The following VIT variants were observed in gnomAD, a reference collection of about 807,000 sequenced individuals.
The protein encoded by VIT is vitrin.
Under a neutral mutation model 78.0 loss-of-function variants are expected in VIT, and 99 were observed. That is an observed-to-expected ratio of 1.27 (90% CI 1.08 to 1.50). VIT has a LOEUF of 1.50. VIT is among the 40% of genes most tolerant of loss of function. The pLI, the probability that VIT is intolerant of heterozygous loss-of-function variation, is 0.00. For missense variants in VIT, 1,126 were observed against 875.3 expected, an observed-to-expected ratio of 1.29 and a Z score of -3.61; for synonymous variants, 374 against 334.3, an observed-to-expected ratio of 1.12 and a Z score of -1.29.
intron 9 of VIT, among the ~76,000 whole-genome samples, chr2:36,779,664 C>G: frequency 6.6e-6 from 1 of 152,254 alleles, no homozygotes; most frequent in East Asian, 1.9e-4. Flanking sequence ...CGTGCTGTTC[C>G]CCACCATGTG....
In VIT at chr2:36,801,289, C is replaced by G; in HGVS notation, c.1059-12C>G. 1 of 1,608,584 alleles carries G rather than the reference C, an allele frequency of 6.2e-7. No individual in the cohort carries two copies. The highest frequency in any genetic ancestry group is 8.5e-7 in the Non-Finnish European group (1 of 1,175,152). ...TTGCAGCTAATTTGTATTTCTTGTTCTGACTCTTCAGAGACAACCCTGCTA... is the reference window on the plus strand; with the variant it reads ...TTGCAGCTAATTTGTATTTCTTGTTGTGACTCTTCAGAGACAACCCTGCTA... On this transcript the variant is annotated splice_polypyrimidine_tract_variant and intron_variant, in intron 12 of 15. Coordinates refer to ENST00000379242, the MANE Select transcript of VIT (RefSeq NM_053276.4).
chr2:36,729,629 T>C, intron 3 of VIT, 138 bp downstream of exon 3: 1 of 842,566 alleles, frequency 1.2e-6, no homozygotes, highest in African/African-American at 1.7e-5. Flanking sequence ...GATTAATTAG[T>C]GATAAGTCTT....
intron 2 of VIT, among the ~76,000 whole-genome samples, chr2:36,722,831 G>A (rs1437236177): frequency 6.6e-6 from 1 of 152,114 alleles, no homozygotes; most frequent in African/African-American, 2.4e-5. Context: ...TGGAAAACAT[G>A]AGCACAGATT....
At chr2:36,699,165 T>A (rs1258642751) in intron 1 of VIT, among the ~76,000 whole-genome samples, 4 of 152,050 alleles carry the variant, frequency 2.6e-5, no homozygotes, top group Non-Finnish European at 5.9e-5. Flanking sequence ...CAGAACACAA[T>A]GGGCCTGTCT....
intron 6 of VIT, among the ~76,000 whole-genome samples, chr2:36,766,678 G>C (rs1431390101): frequency 1.3e-5 from 2 of 152,118 alleles, no homozygotes; most frequent in African/African-American, 2.4e-5. Flanking sequence ...TATTCTCTAA[G>C]ACTAGGTCAT....
At chr2:36,726,471 G>A (rs535648918) in intron 2 of VIT, among the ~76,000 whole-genome samples, 12 of 152,114 alleles carry the variant, frequency 7.9e-5, no homozygotes, top group Non-Finnish European at 1.3e-4. Flanking sequence ...TGTTGTTTAC[G>A]TTTTTCTACA....
chr2:36,737,228 T>C (rs1384999946), intron 3 of VIT, among the ~76,000 whole-genome samples: 1 of 152,080 alleles, frequency 6.6e-6, no homozygotes, highest in East Asian at 1.9e-4. Context: ...CCACATACCA[T>C]GGAAAACAAG....
At chr2:36,723,223 C>T (rs1022175308) in intron 2 of VIT, among the ~76,000 whole-genome samples, 4 of 152,134 alleles carry the variant, frequency 2.6e-5, no homozygotes, top group African/African-American at 4.8e-5. Flanking sequence ...CTATTGTTGG[C>T]GTGTTTTCAA....
intron 1 of VIT, among the ~76,000 whole-genome samples, chr2:36,705,200 C>T (rs1471527651): frequency 6.6e-6 from 1 of 152,172 alleles, no homozygotes; most frequent in Non-Finnish European, 1.5e-5. Context: ...TCATGGCCCA[C>T]CTCGTCTTTT....
At chr2:36,783,307 G>C (rs773266717) in intron 10 of VIT, 33 bp from the exon 11 acceptor site, 1 of 1,612,570 alleles carries the variant, frequency 6.2e-7, no homozygotes, top group Non-Finnish European at 8.5e-7. Context: ...TCCTTTCCTT[G>C]TAAGTCACCA....
At chr2:36,773,717 C>G (rs778321536) in intron 7 of VIT, 74 bp from the exon 8 acceptor site, 96 of 1,327,062 alleles carry the variant, frequency 7.2e-5, no homozygotes, top group Non-Finnish European at 1.2e-5. Flanking sequence ...CAGTGAGACT[C>G]CGACTCAAAA....
At chr2:36,724,593 C>T (rs1666722937) in intron 2 of VIT, among the ~76,000 whole-genome samples, 1 of 152,118 alleles carries the variant, frequency 6.6e-6, no homozygotes, top group South Asian at 2.1e-4. Flanking sequence ...ACCAGCTGTC[C>T]CCTGGAGGAA....
In VIT at chr2:36,810,647, T is replaced by TC. The variant is rs1327772714; in HGVS notation, c.1903+1662_1903+1663insC. The stretch of plus-strand genomic sequence containing the variant: ...CTGTGCCTAAATTTTTTTTTTTTTT[T>TC]TTCTGAGGCAGTGTCTTGCTCTGTC... On this transcript the variant is annotated intron_variant, in intron 15 of 15. Coordinates refer to ENST00000379242, the MANE Select transcript of VIT (RefSeq NM_053276.4). Among the ~76,000 whole-genome samples, 6 of 151,974 alleles carry TC rather than the reference T, an allele frequency of 3.9e-5. No individual in the cohort carries two copies. The East Asian group carries it at 9.6e-4, about 24-fold the overall frequency.
chr2:36,779,106 A>G (rs566773365), intron 9 of VIT, among the ~76,000 whole-genome samples: 2 of 152,320 alleles, frequency 1.3e-5, no homozygotes, highest in South Asian at 2.1e-4. Context: ...ACTTGACTAC[A>G]TTAGCATGAG....
chr2:36,711,412 C>A (rs1558505665), intron 1 of VIT, among the ~76,000 whole-genome samples: 2 of 152,132 alleles, frequency 1.3e-5, no homozygotes, highest in Non-Finnish European at 2.9e-5. Flanking sequence ...AAGATGCAAC[C>A]TGCAGATTGT....
At chr2:36,733,730 G>A (rs1667342368) in intron 3 of VIT, among the ~76,000 whole-genome samples, 1 of 152,156 alleles carries the variant, frequency 6.6e-6, no homozygotes, top group African/African-American at 2.4e-5. Flanking sequence ...GGAGGTAAGG[G>A]CTTACAGATC....
intron 9 of VIT, among the ~76,000 whole-genome samples, chr2:36,778,671 A>G (rs1670217098): frequency 6.6e-6 from 1 of 152,158 alleles, no homozygotes; most frequent in African/African-American, 2.4e-5. Flanking sequence ...CTTCTCTGAG[A>G]GTCCTTGTGT....
At chr2:36,771,396 T>G (rs922791048) in intron 7 of VIT, among the ~76,000 whole-genome samples, 4 of 151,838 alleles carry the variant, frequency 2.6e-5, no homozygotes, top group East Asian at 3.9e-4. Flanking sequence ...TGCAGTGGTG[T>G]GCACCTGTAA....
rs114985577 is a variant in VIT at position 36,789,066 on chromosome 2, G to A, written c.1058+1790G>A. Among the ~76,000 whole-genome samples the A allele has an allele frequency of 8.4e-3, 1,272 of 152,174 alleles. 16 individuals are homozygous for A. The highest frequency in any genetic ancestry group is 0.029 in the African/African-American group (1,213 of 41,502). ...TCCCTTGTGTCTGCCTTTTTCACGGGGTTCTTATTAATTTGGAGCACTTAG... is the reference window on the plus strand; with the variant it reads ...TCCCTTGTGTCTGCCTTTTTCACGGAGTTCTTATTAATTTGGAGCACTTAG... On this transcript the variant is annotated intron_variant, in intron 12 of 15. Coordinates refer to ENST00000379242, the MANE Select transcript of VIT (RefSeq NM_053276.4).
Sources: allele counts gnomAD v4.1 joint callset (sites outside exome capture counted in the v4.1 genomes callset), GRCh38; gene constraint gnomAD v4.1.1; transcripts MANE v1.5; gene names NCBI Gene and HGNC (gene_info 2026-07-23, HGNC 2026-07-21).